COL27A1: variants seen among roughly 807,000 people sequenced by gnomAD.
COL27A1 encodes the protein collagen type XXVII alpha 1 chain.
Under a neutral mutation model 251.3 loss-of-function variants are expected in COL27A1, and 106 were observed. That is an observed-to-expected ratio of 0.42 (90% confidence interval 0.36 to 0.50). The LOEUF is 0.50. Ranked by LOEUF, COL27A1 falls within the 20% of genes least tolerant of loss-of-function variation. COL27A1 has a pLI of 0.00. For missense variants in COL27A1, 2,325 were observed against 2,522.8 expected (o/e 0.92, Z 1.68); for synonymous variants, 1,000 against 986.3 (o/e 1.01, Z -0.26).
chr9:114,243,743 G>C (rs543535424), intron 23 of COL27A1, among the ~76,000 whole-genome samples, 183 bp downstream of exon 23: 1 of 152,018 alleles, frequency 6.6e-6, no homozygotes, highest in East Asian at 1.9e-4. Flanking sequence ...CCAACTGTGG[G>C]GGATTGTTCA....
intron 10 of COL27A1, among the ~76,000 whole-genome samples, chr9:114,206,595 G>C (rs897299895): frequency 6.6e-6 from 1 of 152,212 alleles, no homozygotes; most frequent in Non-Finnish European, 1.5e-5. Context: ...CTCATCCCAA[G>C]TTACAAGGGA....
chr9:114,283,623 A>T, intron 39 of COL27A1, 86 bp from the exon 40 acceptor site: 1 of 1,259,414 alleles, frequency 7.9e-7, no homozygotes, highest in East Asian at 2.3e-5. Context: ...TGCTGGGCGG[A>T]GCGGGGCTGG....
intron 17 of COL27A1, among the ~76,000 whole-genome samples, chr9:114,236,105 A>G (rs190837374): frequency 3.0e-3 from 452 of 152,028 alleles, no homozygotes; most frequent in African/African-American, 0.01. Flanking sequence ...ACACACACAC[A>G]CACACAGACT....
intron 28 of COL27A1, among the ~76,000 whole-genome samples, chr9:114,261,322 CA>C (rs1834319654): frequency 6.7e-6 from 1 of 149,562 alleles, no homozygotes; most frequent in Non-Finnish European, 1.5e-5. Context: ...TACAAGAGAG[CA>C]GACAGGTAGC....
intron 27 of COL27A1, 34 bp from the exon 28 acceptor site, chr9:114,258,507 A>T: frequency 6.2e-7 from 1 of 1,601,838 alleles, no homozygotes; most frequent in Non-Finnish European, 8.5e-7. Flanking sequence ...CTTCCTAAAA[A>T]GGGGCCTCTC....
intron 1 of COL27A1, among the ~76,000 whole-genome samples, chr9:114,161,310 G>C (rs117878810): frequency 6.6e-6 from 1 of 152,042 alleles, no homozygotes; most frequent in Non-Finnish European, 1.5e-5. Context: ...GCCTCATTTG[G>C]GTCATATATG....
chr9:114,225,227 G>T (rs923309787), intron 14 of COL27A1, among the ~76,000 whole-genome samples: 7 of 152,160 alleles, frequency 4.6e-5, no homozygotes, highest in African/African-American at 1.7e-4. Flanking sequence ...GTGAGGATGG[G>T]GGCCATGAAT....
chr9:114,301,486 T>C, intron 54 of COL27A1, 24 bp downstream of exon 54: 1 of 1,467,598 alleles, frequency 6.8e-7, no homozygotes, highest in Non-Finnish European at 9.3e-7. Flanking sequence ...GCATGAGGGC[T>C]GTGGGGCGGG....
At chr9:114,197,374 G>A (rs1041023239) in intron 7 of COL27A1, among the ~76,000 whole-genome samples, 3 of 152,158 alleles carry the variant, frequency 2.0e-5, no homozygotes, top group Non-Finnish European at 2.9e-5. Context: ...AACCTGAGAG[G>A]CCCACCCCAG....
intron 28 of COL27A1, among the ~76,000 whole-genome samples, chr9:114,258,804 C>G (rs548137846): frequency 6.6e-6 from 1 of 152,366 alleles, no homozygotes; most frequent in East Asian, 1.9e-4. Flanking sequence ...CTCAGCCTTG[C>G]TATCCACCAG....
chr9:114,255,808 C>A (rs1833881838), intron 27 of COL27A1, among the ~76,000 whole-genome samples: 1 of 152,162 alleles, frequency 6.6e-6, no homozygotes, highest in Non-Finnish European at 1.5e-5. Flanking sequence ...AGCTCGGAGG[C>A]CCAGAAAACC....
chr9:114,212,220 C>T (rs570428281), intron 12 of COL27A1, among the ~76,000 whole-genome samples: 2 of 152,338 alleles, frequency 1.3e-5, no homozygotes, highest in African/African-American at 4.8e-5. Flanking sequence ...GGGCAAGGAG[C>T]AGCACCTGAT....
In COL27A1 at chr9:114,162,501, A is replaced by G. The variant is rs1431821; in HGVS notation, c.63-214A>G. Among the ~76,000 whole-genome samples the G allele has an allele frequency of 0.32, 48,815 of 151,944 alleles. 8,393 individuals are homozygous for G. Among genetic ancestry groups the G allele is most frequent in the Middle Eastern group, 0.49 (142 of 292 alleles). On this transcript the variant is annotated intron_variant, in intron 1 of 60. Coordinates refer to ENST00000356083, the MANE Select transcript of COL27A1 (RefSeq NM_032888.4). ...GAGAAGTGAGGCTGTGTTTGTCTAT[A>G]TAAGCAGGTCCTCACTGAGAGGCTG...
chr9:114,271,496 T>G (rs1835140737), intron 36 of COL27A1: 2 of 152,536 alleles, frequency 1.3e-5, no homozygotes, highest in South Asian at 4.1e-4. Context: ...AACCCACGGC[T>G]CACAGGTGCC....
At position 114,195,949 on chromosome 9, in the gene COL27A1, T is replaced by A; in HGVS notation, c.2071-10T>A. The A allele has an allele frequency of 1.2e-6, 2 of 1,610,042 alleles. No homozygotes were observed. Among genetic ancestry groups the A allele is most frequent in the Non-Finnish European group, 1.7e-6 (2 of 1,176,202 alleles). On this transcript the variant is annotated splice_polypyrimidine_tract_variant and intron_variant, in intron 6 of 60. Transcript: ENST00000356083. ...TTTCCTGCCTCACCCACCTTGTCTG[T>A]GTCTTCCAGGGTGACATGGGCTTGC...
intron 57 of COL27A1, chr9:114,306,133 G>T: frequency 5.7e-6 from 1 of 175,674 alleles, no homozygotes; most frequent in East Asian, 1.7e-4. Context: ...GGAGCCCAGT[G>T]GGGGCTGTGT....
rs2135144902 is a variant in COL27A1, at chr9:114,178,285, C to T, written c.1909-6C>T. On this transcript the variant is annotated splice_region_variant and splice_polypyrimidine_tract_variant and intron_variant, in intron 3 of 60. Coordinates refer to ENST00000356083, the MANE Select transcript of COL27A1 (RefSeq NM_032888.4). ...GTCTAATGCTGTCTTCTTGTTTTCT[C>T]CTCAGGGTCCCCCTGGGCTACCTGG... is the stretch of plus-strand genomic sequence containing the variant. 2.5e-6 allele frequency: 4 copies of T among 1,613,838 alleles called. No homozygotes were observed. Among genetic ancestry groups the T allele is most frequent in the Non-Finnish European group, 2.5e-6 (3 of 1,179,756 alleles).
At position 114,258,528 on chromosome 9, in the gene COL27A1, C is replaced by T; in HGVS notation, c.3142-13C>T. 1 of 1,612,864 alleles carries T rather than the reference C, an allele frequency of 6.2e-7. No homozygotes were observed. Among genetic ancestry groups the T allele is most frequent in the Non-Finnish European group, 8.5e-7 (1 of 1,179,544 alleles). On this transcript the variant is annotated splice_polypyrimidine_tract_variant and intron_variant, in intron 27 of 60. Transcript: ENST00000356083. ...AAAAAGGGGCCTCTCCAAACTCTTT[C>T]TCCTCTTCCCAGGGTCCTCCAGGAT... is the stretch of plus-strand genomic sequence containing the variant.
chr9:114,177,421 G>C (rs1827556036), intron 3 of COL27A1, among the ~76,000 whole-genome samples: 1 of 152,194 alleles, frequency 6.6e-6, no homozygotes, highest in Non-Finnish European at 1.5e-5. Flanking sequence ...AGGCTGTGTG[G>C]AGGAGGACTG....
Sources: allele counts gnomAD v4.1 joint callset (sites outside exome capture counted in the v4.1 genomes callset), GRCh38; gene constraint gnomAD v4.1.1; transcripts MANE v1.5; gene names NCBI Gene and HGNC (gene_info 2026-07-23, HGNC 2026-07-21).